Variants in ZFP14 observed in about 807,000 individuals in gnomAD.
The protein encoded by ZFP14 is zinc finger protein 14 homolog.
A neutral mutation model predicts 54.5 loss-of-function variants in ZFP14; 22 were observed. The ratio of observed to expected loss-of-function variants is 0.40; its 90% CI spans 0.29 to 0.58. The LOEUF (loss-of-function observed/expected upper bound fraction) is 0.58. ZFP14 is among the 20% of genes least tolerant of loss of function. ZFP14 has a pLI of 0.39. For synonymous variants in ZFP14, 159 were observed against 204.0 expected, an observed-to-expected ratio of 0.78 and a Z score of 1.88; for missense variants, 470 against 637.8, an observed-to-expected ratio of 0.74 and a Z score of 2.83.
intron 4 of ZFP14, among the ~76,000 whole-genome samples, chr19:36,343,285 T>C (rs2031355648): frequency 6.6e-6 from 1 of 152,212 alleles, no homozygotes; most frequent in Non-Finnish European, 1.5e-5. Flanking sequence ...ACCATTATAA[T>C]AAAATATAAA....
chr19:36,361,790 G>C (rs1002378599), intron 3 of ZFP14, among the ~76,000 whole-genome samples: 1 of 152,162 alleles, frequency 6.6e-6, no homozygotes, highest in African/African-American at 2.4e-5. Flanking sequence ...CCTATGTCTA[G>C]GTATTCTACT....
At position 36,339,690 on chromosome 19, in the gene ZFP14, C is replaced by T. The variant is rs1479275075; in HGVS notation, c.*534G>A. 2 of 152,574 alleles carry T rather than the reference C, an allele frequency of 1.3e-5. No homozygotes were observed. Among genetic ancestry groups the T allele is most frequent in the East Asian group, 3.8e-4 (2 of 5,200 alleles). The allele number at this position is 152,574 out of a possible 1,614,324, so 9.5% of individuals were successfully genotyped here. A position where few individuals can be genotyped will look rare whatever the true frequency, so the allele number is the denominator to read the frequency against. On this transcript the variant is annotated 3_prime_UTR_variant, in exon 5 of 5. Transcript: ENST00000270001. Reference sequence around the variant, plus strand: ...TACATTGGGTAACAACTATGTTAGTCTGGATGTGGATCCTTCCCCAGTTGA... The same window carrying T: ...TACATTGGGTAACAACTATGTTAGTTTGGATGTGGATCCTTCCCCAGTTGA...
intron 1 of ZFP14, among the ~76,000 whole-genome samples, chr19:36,375,567 CTTTTT>C (rs139409068): frequency 8.5e-6 from 1 of 117,678 alleles, no homozygotes; most frequent in Non-Finnish European, 1.7e-5. Context: ...TTTGTATTTT[CTTTTT>C]TTTTTTTTTT....
At chr19:36,363,553 T>C (rs1026375073) in intron 2 of ZFP14, among the ~76,000 whole-genome samples, 1 of 152,028 alleles carries the variant, frequency 6.6e-6, no homozygotes, top group East Asian at 1.9e-4. Flanking sequence ...CATCCGGCCA[T>C]ATCTGGAGAC....
At chr19:36,346,951 G>A (rs918273516) in intron 4 of ZFP14, among the ~76,000 whole-genome samples, 2 of 152,174 alleles carry the variant, frequency 1.3e-5, no homozygotes, top group Admixed American at 6.5e-5. Flanking sequence ...CTAAGGCTAC[G>A]TACACTTATT....
chr19:36,358,068 CT>C (rs537191857), intron 4 of ZFP14, among the ~76,000 whole-genome samples: 122 of 146,438 alleles, frequency 8.3e-4, no homozygotes, highest in African/African-American at 2.9e-3. Flanking sequence ...ATCTATCTAT[CT>C]ATCTATCTAT....
intron 4 of ZFP14, among the ~76,000 whole-genome samples, chr19:36,343,004 AAC>A (rs1294762994): frequency 6.6e-6 from 1 of 152,226 alleles, no homozygotes; most frequent in African/African-American, 2.4e-5. Context: ...GAAAAAGGGA[AAC>A]ACAGCAAATA....
intron 4 of ZFP14, among the ~76,000 whole-genome samples, chr19:36,359,379 T>C (rs2031672603): frequency 6.6e-6 from 1 of 152,212 alleles, no homozygotes; most frequent in Non-Finnish European, 1.5e-5. Flanking sequence ...ATAAAATGCA[T>C]TCCTTTTCTG....
chr19:36,362,901 C>A, intron 2 of ZFP14: 1 of 246,050 alleles, frequency 4.1e-6, no homozygotes, highest in African/African-American at 2.3e-5. Flanking sequence ...TCTTTTATAA[C>A]CAATTCTTTA....
chr19:36,370,799 C>A (rs2967508), intron 1 of ZFP14, among the ~76,000 whole-genome samples: 28,935 of 152,228 alleles, frequency 0.19, 2,827 homozygotes, highest in Admixed American at 0.22. Context: ...CCCAGATGAA[C>A]CTCATTCTGC....
chr19:36,364,997 T>C (rs1358829268), intron 2 of ZFP14, among the ~76,000 whole-genome samples: 1 of 16,638 alleles, frequency 6.0e-5, no homozygotes, highest in African/African-American at 3.5e-4. Flanking sequence ...TCTTTTTCTT[T>C]TTTTTTTTTT....
At chr19:36,349,680 A>AATATAT (rs1555754716) in intron 4 of ZFP14, among the ~76,000 whole-genome samples, 6 of 136,852 alleles carry the variant, frequency 4.4e-5, no homozygotes, top group Admixed American at 2.3e-4. Flanking sequence ...ACAAAAAAAA[A>AATATAT]ATATATATAT....
intron 4 of ZFP14, among the ~76,000 whole-genome samples, chr19:36,347,525 C>CT (rs201973988): frequency 0.018 from 2,773 of 151,624 alleles, 50 homozygotes; most frequent in African/African-American, 0.062. Flanking sequence ...CAGGAAATGA[C>CT]TTGAACCCAG....
chr19:36,375,569 T>C (rs1385381007), intron 1 of ZFP14, among the ~76,000 whole-genome samples: 1 of 17,344 alleles, frequency 5.8e-5, no homozygotes, highest in East Asian at 1.1e-3. Flanking sequence ...TGTATTTTCT[T>C]TTTTTTTTTT....
intron 1 of ZFP14, among the ~76,000 whole-genome samples, chr19:36,371,656 A>G (rs888107672): frequency 2.6e-5 from 4 of 152,090 alleles, no homozygotes; most frequent in African/African-American, 9.7e-5. Flanking sequence ...AAACAAGTAG[A>G]AAGCTTATTT....
At chr19:36,373,727 A>T (rs2031914544) in intron 1 of ZFP14, among the ~76,000 whole-genome samples, 1 of 152,066 alleles carries the variant, frequency 6.6e-6, no homozygotes, top group African/African-American at 2.4e-5. Context: ...CCTGGGCAAC[A>T]TAGTGAGACC....
chr19:36,351,491 T>G (rs985754090), intron 4 of ZFP14, among the ~76,000 whole-genome samples: 1 of 135,220 alleles, frequency 7.4e-6, no homozygotes, highest in Non-Finnish European at 1.6e-5. Flanking sequence ...AGAGCAAGAC[T>G]GCATATCACA....
intron 2 of ZFP14, 151 bp downstream of exon 2, chr19:36,367,733 G>A: frequency 1.3e-6 from 1 of 797,534 alleles, no homozygotes; most frequent in Non-Finnish European, 1.8e-6. Context: ...CAAAGTGCTG[G>A]GATTACAGGC....
rs141446531 is a variant in ZFP14 at position 36,344,832 on chromosome 19, A to C, written c.236-3242T>G. On this transcript the variant is annotated intron_variant, in intron 4 of 4. Coordinates refer to ENST00000270001, the MANE Select transcript of ZFP14 (RefSeq NM_020917.3). ...ACCACGTACCATTTTCTCCCGCCCC[A>C]GTCCATGGAAACATTGTCTTCCACA... Among the ~76,000 whole-genome samples the C allele has an allele frequency of 2.3e-4, 35 of 152,336 alleles. No individual in the cohort carries two copies. The East Asian group carries it at 6.7e-3, about 29-fold the overall frequency.
Sources: gnomAD v4.1 joint callset for allele counts (sites outside exome capture counted in the v4.1 genomes callset) on GRCh38, gnomAD v4.1.1 for gene constraint, MANE v1.5 for transcripts, NCBI Gene and HGNC (gene_info 2026-07-23, HGNC 2026-07-21) for gene names.